Variants in NCOA4 observed in about 807,000 individuals in gnomAD.
NCOA4 encodes 70 kDa AR-activator.
NCOA4 carries 31 observed loss-of-function variants against 69.5 expected under a neutral mutation model. The ratio of observed to expected loss-of-function variants is 0.45; its 90% CI spans 0.34 to 0.60. The LOEUF (loss-of-function observed/expected upper bound fraction) is 0.60. NCOA4 is among the 20% of genes least tolerant of loss of function. NCOA4 has a pLI of 0.02. For synonymous variants in NCOA4, 228 were observed against 252.4 expected (o/e 0.90, Z 0.92); for missense variants, 600 against 719.2 (o/e 0.83, Z 1.90).
intron 7 of NCOA4, among the ~76,000 whole-genome samples, chr10:46,012,052 C>A (rs1398666629): frequency 1.1e-5 from 1 of 95,146 alleles, no homozygotes; most frequent in Admixed American, 1.8e-4. Context: ...CAGAGCAAGA[C>A]TCGGTCTCAA....
intron 1 of NCOA4, among the ~76,000 whole-genome samples, chr10:46,024,663 A>G (rs1275413680): frequency 1.3e-5 from 2 of 152,252 alleles, no homozygotes; most frequent in Non-Finnish European, 1.5e-5. Context: ...ACCACTTTAC[A>G]TGTAGCTTTT....
intron 8 of NCOA4, among the ~76,000 whole-genome samples, chr10:46,009,997 C>T (rs1839105789): frequency 6.6e-6 from 1 of 151,956 alleles, no homozygotes; most frequent in Non-Finnish European, 1.5e-5. Flanking sequence ...CCCATCTCTA[C>T]CAAAAATACA....
chr10:46,024,138 A>G, intron 1 of NCOA4, among the ~76,000 whole-genome samples: 1 of 152,364 alleles, frequency 6.6e-6, no homozygotes, highest in Admixed American at 6.5e-5. Flanking sequence ...TGGGACCCCA[A>G]TCCAGGCATT....
In NCOA4 at chr10:46,012,070, G is replaced by GAAAAAAAAAAAAAAAAAAAAAAAAAA. The variant is rs71026286; in HGVS notation, c.714+787_714+812dup. Among the ~76,000 whole-genome samples the GAAAAAAAAAAAAAAAAAAAAAAAAAA allele has an allele frequency of 3.1e-4, 14 of 44,524 alleles. 4 individuals are homozygous for GAAAAAAAAAAAAAAAAAAAAAAAAAA. The highest frequency in any genetic ancestry group is 3.7e-4 in the Non-Finnish European group (9 of 24,394). 29.2% of individuals were successfully genotyped at this position (44,524 alleles called of 152,430 possible). A position where few individuals can be genotyped will look rare whatever the true frequency, so the allele number is the denominator to read the frequency against. ...AGCAAGACTCGGTCTCAAAAAGAAAGAAAAAAAAAAAAAAAAAAAAAAAAA... is the reference window on the plus strand; with the variant it reads ...AGCAAGACTCGGTCTCAAAAAGAAAGAAAAAAAAAAAAAAAAAAAAAAAAAAAAAAAAAAAAAAAAAAAAAAAAAAA... On this transcript the variant is annotated intron_variant, in intron 7 of 9. Coordinates refer to ENST00000581486, the MANE Select transcript of NCOA4 (RefSeq NM_001145263.2).
chr10:46,011,019 A>G lies in NCOA4; in HGVS notation c.902T>C (p.Leu301Pro). The change falls in exon 8 of 10, where the codon CTA (leucine) becomes CCA (proline). Residue 301 changes from leucine (L) to proline (P), a missense_variant. Coordinates refer to ENST00000581486, the MANE Select transcript of NCOA4 (RefSeq NM_001145263.2). ...QELPDQDEMD[L>P]SDWLVTPQES... ...CTGGGGAGTCACTAGCCAATCTGAT[A>G]GGTCCATCTCATCTTGATCAGGAAG... 2 of 1,613,968 alleles carry G rather than the reference A, an allele frequency of 1.2e-6. No individual in the cohort carries two copies. Among genetic ancestry groups the G allele is most frequent in the Non-Finnish European group, 1.7e-6 (2 of 1,179,856 alleles).
chr10:46,012,077 A>AAAAGAAAAAAAAAAAAAG (rs1839254102), intron 7 of NCOA4, among the ~76,000 whole-genome samples: 1 of 49,132 alleles, frequency 2.0e-5, no homozygotes, highest in Non-Finnish European at 4.4e-5. Context: ...AAAGAAAAAA[A>AAAAGAAAAAAAAAAAAAG]AAAAAAAAAA....
Position 46,011,083 on chromosome 10 carries a change from A to C in NCOA4, c.838T>G (p.Ser280Ala). Residue 280 changes from serine to alanine, a missense_variant, in exon 8 of 10, where the codon TCT (serine) becomes GCT (alanine). Coordinates refer to ENST00000581486, the MANE Select transcript of NCOA4 (RefSeq NM_001145263.2). ...QKCNSHSTTS[S>A]FSIEMEKVGD... ...ACCTTTTCCATTTCAATGGAGAAAG[A>C]ACTAGTAGTGGAATGGCTGTTACAC... 1.2e-6 allele frequency: 2 copies of C among 1,613,952 alleles called. No homozygotes were observed. Among genetic ancestry groups the C allele is most frequent in the Non-Finnish European group, 1.7e-6 (2 of 1,179,848 alleles).
At position 46,010,619 on chromosome 10, in the gene NCOA4, T is replaced by G; in HGVS notation, c.1302A>C (p.Lys434Asn). 1 of 1,614,242 alleles carries G rather than the reference T, an allele frequency of 6.2e-7. No individual in the cohort carries two copies. The highest frequency in any genetic ancestry group is 8.5e-7 in the Non-Finnish European group (1 of 1,180,038). Residue 434 changes from lysine to asparagine, a missense_variant, in exon 8 of 10, where the codon AAA (lysine) becomes AAC (asparagine). Transcript: ENST00000581486. ...KEALYKWLLKKEGKDKNGMPV... is the reference protein window; with the variant it reads ...KEALYKWLLKNEGKDKNGMPV... ...GCATCCCATTTTTATCCTTTCCTTC[T>G]TTCTTCAGAAGCCACTTATACAGAG...
At chr10:46,027,367 G>T in intron 1 of NCOA4, 1 of 1,418,826 alleles carries the variant, frequency 7.0e-7, no homozygotes, top group Non-Finnish European at 9.7e-7. Flanking sequence ...AATCAAAGAA[G>T]ATAAGCTAAG....
Position 46,005,513 on chromosome 10 carries a change from C to G in NCOA4, c.*1079G>C, listed in dbSNP as rs145206481. On this transcript the variant is annotated 3_prime_UTR_variant, in exon 10 of 10. Transcript: ENST00000581486. ...AGAAAACATTATAAACCCCACTTCT[C>G]TCCTACACAGACATTTTAAAGCATG... 49 of 220,944 alleles carry G rather than the reference C, an allele frequency of 2.2e-4. No individual in the cohort carries two copies. The highest frequency in any genetic ancestry group is 1.1e-3 in the African/African-American group (47 of 44,746). The allele number at this position is 220,944 out of a possible 1,614,324, so 13.7% of individuals were successfully genotyped here. A position where few individuals can be genotyped will look rare whatever the true frequency, so the allele number is the denominator to read the frequency against.
chr10:46,017,556 A>C (rs556662740), intron 1 of NCOA4, among the ~76,000 whole-genome samples: 6 of 152,298 alleles, frequency 3.9e-5, no homozygotes, highest in African/African-American at 1.4e-4. Flanking sequence ...ACAACAACAA[A>C]AAAGAATATA....
At chr10:46,021,156 T>C (rs1839846092) in intron 1 of NCOA4, among the ~76,000 whole-genome samples, 1 of 152,188 alleles carries the variant, frequency 6.6e-6, no homozygotes. Flanking sequence ...TAACCACAAA[T>C]GAAGTGGTTA....
Position 46,007,581 on chromosome 10 carries a change from CTTTTTTTTTTTT to C in NCOA4, c.1840-996_1840-985del, listed in dbSNP as rs71026287. On this transcript the variant is annotated intron_variant, in intron 9 of 9. Coordinates refer to ENST00000581486, the MANE Select transcript of NCOA4 (RefSeq NM_001145263.2). Reference sequence around the variant, plus strand: ...TTAGGGACTAACACAGCCAGTGACTCTTTTTTTTTTTTTTTTTTTTTTTTTTTTTGAGACAGG... The same window carrying C: ...TTAGGGACTAACACAGCCAGTGACTCTTTTTTTTTTTTTTTTTGAGACAGG... Among the ~76,000 whole-genome samples, 40 of 85,484 alleles carry C rather than the reference CTTTTTTTTTTTT, an allele frequency of 4.7e-4. 1 individual carries two copies. In the South Asian group the frequency reaches 7.1e-3, roughly 15 times the overall value. The allele number at this position is 85,484 out of a possible 152,430, so 56.1% of individuals were successfully genotyped here.
intron 9 of NCOA4, among the ~76,000 whole-genome samples, chr10:46,008,398 C>T (rs1401786685): frequency 3.3e-5 from 5 of 152,158 alleles, no homozygotes; most frequent in South Asian, 2.1e-4. Flanking sequence ...AACGGATTCC[C>T]ACCCTCATGG....
intron 9 of NCOA4, 150 bp downstream of exon 9, chr10:46,009,261 G>A (rs1839048692): frequency 4.0e-6 from 6 of 1,486,166 alleles, no homozygotes; most frequent in African/African-American, 2.8e-5. Context: ...AACTTTTTAT[G>A]AGCTCCCCCG....
chr10:46,009,538 TTAAG>T lies in NCOA4; in HGVS notation c.1708_1711del (p.Leu570IlefsTer51). 6.2e-7 allele frequency: 1 copy of T among 1,607,002 alleles called. No homozygotes were observed. The highest frequency in any genetic ancestry group is 8.5e-7 in the Non-Finnish European group (1 of 1,178,224). ...GTTATGTTCCTCCTGTAGAGGTGAA[TTAAG>T]TAATACTTCCTGCAATAAAAGAAAA... is the stretch of plus-strand genomic sequence containing the variant. On this transcript the variant is annotated frameshift_variant, in exon 9 of 10. Transcript: ENST00000581486. LOFTEE classifies it high-confidence loss of function.
chr10:46,026,217 T>A (rs1188586440), intron 1 of NCOA4, among the ~76,000 whole-genome samples: 2 of 152,180 alleles, frequency 1.3e-5, no homozygotes, highest in African/African-American at 4.8e-5. Flanking sequence ...AACTATTACT[T>A]TTGGCTTTTT....
At chr10:46,018,552 G>A (rs1839700554) in intron 1 of NCOA4, among the ~76,000 whole-genome samples, 1 of 152,150 alleles carries the variant, frequency 6.6e-6, no homozygotes, top group Non-Finnish European at 1.5e-5. Flanking sequence ...CTTAGAAAAG[G>A]GAGAGAGGCC....
rs1393357007 is a variant in NCOA4 at position 46,011,119 on chromosome 10, T to C, written c.802A>G (p.Ser268Gly). 6.2e-7 allele frequency: 1 copy of C among 1,613,722 alleles called. No individual in the cohort carries two copies. Among genetic ancestry groups the C allele is most frequent in the African/African-American group, 1.3e-5 (1 of 74,900 alleles). Residue 268 changes from serine (S) to glycine (G), a missense_variant, in exon 8 of 10, where the codon AGT becomes GGT. Ser to Gly is a moderately conservative substitution (Grantham distance 56, BLOSUM62 0). Transcript: ENST00000581486. ...GAATGGCTGTTACACTTTTGATAAC[T>C]TGATTTTTCACTCTTGAGGAGCCAG... ...ENWLLKSEKS[S>G]YQKCNSHSTT...
Sources: gnomAD v4.1 joint callset for allele counts (sites outside exome capture counted in the v4.1 genomes callset) on GRCh38, gnomAD v4.1.1 for gene constraint, MANE v1.5 for transcripts, NCBI Gene and HGNC (gene_info 2026-07-23, HGNC 2026-07-21) for gene names.